Variants in ACBD3 observed in about 807,000 individuals in gnomAD.
ACBD3 encodes Golgi resident protein GCP60.
ACBD3 carries 30 observed loss-of-function variants against 66.9 expected under a neutral mutation model. The observed-to-expected ratio is 0.45, with a 90% CI of 0.34 to 0.61. ACBD3 has a LOEUF of 0.61. Among genes scored for constraint, ACBD3 ranks in the 20% least tolerant of loss-of-function variants. The pLI, the probability that ACBD3 is intolerant of heterozygous loss-of-function variation, is 0.02. For missense variants in ACBD3, 544 were observed against 664.5 expected (o/e 0.82, Z 1.99); for synonymous variants, 278 against 259.8 (o/e 1.07, Z -0.68).
At chr1:226,155,509 G>A (rs1659656030) in intron 5 of ACBD3, among the ~76,000 whole-genome samples, 1 of 151,090 alleles carries the variant, frequency 6.6e-6, no homozygotes, top group Non-Finnish European at 1.5e-5. Context: ...GAAATTGATG[G>A]AAGAAAAAAA....
intron 6 of ACBD3, among the ~76,000 whole-genome samples, chr1:226,153,671 G>C (rs1196172774): frequency 6.6e-6 from 1 of 152,202 alleles, no homozygotes; most frequent in African/African-American, 2.4e-5. Context: ...ACTAATTGCT[G>C]AATGAACAAA....
Position 226,146,522 on chromosome 1 carries a change from T to G in ACBD3, c.*88A>C. 8.8e-7 allele frequency: 1 copy of G among 1,138,498 alleles called. No individual in the cohort carries two copies. The highest frequency in any genetic ancestry group is 1.3e-6 in the Non-Finnish European group (1 of 784,752). The allele number at this position is 1,138,498 out of a possible 1,614,324, so 70.5% of individuals were successfully genotyped here. A position where few individuals can be genotyped will look rare whatever the true frequency, so the allele number is the denominator to read the frequency against. ...CAATATCAATAAGGTAAACTGTGACTCTAATGCTCCACAAAAGTAAAAAGA... is the reference window on the plus strand; with the variant it reads ...CAATATCAATAAGGTAAACTGTGACGCTAATGCTCCACAAAAGTAAAAAGA... On this transcript the variant is annotated 3_prime_UTR_variant, in exon 8 of 8. Coordinates refer to ENST00000366812, the MANE Select transcript of ACBD3 (RefSeq NM_022735.4).
Position 226,186,525 on chromosome 1 carries a change from G to C in ACBD3, c.151C>G (p.Pro51Ala). ...TCGGGCTGCTCCCCTGAGGCGCCCGGGCCGCGACCGGATCCAGGTGGCGAG... is the reference window on the plus strand; with the variant it reads ...TCGGGCTGCTCCCCTGAGGCGCCCGCGCCGCGACCGGATCCAGGTGGCGAG... ...PPSPPGSGRG[P>A]GASGEQPEPG... The change falls in exon 1 of 8, where the codon CCG (proline) becomes GCG (alanine). Residue 51 changes from proline (P) to alanine (A), a missense_variant. This residue lies in a region of ACBD3 where 137 missense variants were observed against 145.9 expected (regional missense o/e 0.94). Transcript: ENST00000366812. 7.2e-7 allele frequency: 1 copy of C among 1,390,536 alleles called. No homozygotes were observed. Among genetic ancestry groups the C allele is most frequent in the East Asian group, 3.1e-5 (1 of 32,700 alleles). The allele number at this position is 1,390,536 out of a possible 1,614,324, so 86.1% of individuals were successfully genotyped here. A position where few individuals can be genotyped will look rare whatever the true frequency, so the allele number is the denominator to read the frequency against.
intron 7 of ACBD3, among the ~76,000 whole-genome samples, chr1:226,151,318 A>G (rs187275921): frequency 6.6e-6 from 1 of 152,354 alleles, no homozygotes; most frequent in East Asian, 1.9e-4. Flanking sequence ...CATGCATTCC[A>G]TATCACTTTC....
chr1:226,186,062 T>A (rs1031981929), intron 1 of ACBD3, among the ~76,000 whole-genome samples: 1 of 152,176 alleles, frequency 6.6e-6, no homozygotes, highest in African/African-American at 2.4e-5. Context: ...AATCCCAGAA[T>A]GGGATCCTTT....
chr1:226,150,055 A>ATTT (rs78400240), intron 7 of ACBD3, among the ~76,000 whole-genome samples: 1 of 133,554 alleles, frequency 7.5e-6, no homozygotes. Flanking sequence ...ATTTTTTTTA[A>ATTT]TTTTTTTTTT....
intron 3 of ACBD3, among the ~76,000 whole-genome samples, chr1:226,162,504 C>A (rs1036068035): frequency 1.6e-4 from 24 of 152,256 alleles, no homozygotes; most frequent in Admixed American, 4.6e-4. Context: ...CGGTTAACCT[C>A]TCAGGGCAGC....
intron 1 of ACBD3, among the ~76,000 whole-genome samples, chr1:226,185,006 C>T (rs2102793416): frequency 6.6e-6 from 1 of 150,546 alleles, no homozygotes; most frequent in South Asian, 2.1e-4. Context: ...CTCTCTGCTA[C>T]AATATACTTT....
At chr1:226,175,091 C>CAAAA (rs35201518) in intron 1 of ACBD3, among the ~76,000 whole-genome samples, 404 of 74,152 alleles carry the variant, frequency 5.4e-3, no homozygotes, top group Non-Finnish European at 7.0e-3. Flanking sequence ...GACTCCATCT[C>CAAAA]AAAAAAAAAA....
intron 7 of ACBD3, among the ~76,000 whole-genome samples, chr1:226,151,544 T>G (rs1440900494): frequency 6.6e-6 from 1 of 152,164 alleles, no homozygotes; most frequent in East Asian, 1.9e-4. Context: ...TCTAGCAAAA[T>G]AGGGATTTCC....
At position 226,159,390 on chromosome 1, in the gene ACBD3, G is replaced by A. The variant is rs765761569; in HGVS notation, c.729-32C>T. 3 of 1,596,638 alleles carry A rather than the reference G, an allele frequency of 1.9e-6. No individual in the cohort carries two copies. The African/African-American group carries it at 4.0e-5, about 21-fold the overall frequency. On this transcript the variant is annotated intron_variant, in intron 4 of 7. Transcript: ENST00000366812. ...ACATTAAAAATATATATACTAGTCT[G>A]GCTACAGGAGATTGTTCATGACAAA...
At chr1:226,172,143 A>G in intron 1 of ACBD3, among the ~76,000 whole-genome samples, 2 of 59,564 alleles carry the variant, frequency 3.4e-5, no homozygotes, top group Admixed American at 2.3e-4. Flanking sequence ...AAACAAGAGC[A>G]AAACTCCATC....
At position 226,186,356 on chromosome 1, in the gene ACBD3, C is replaced by A. The variant is rs1394446283; in HGVS notation, c.286+34G>T. 2.7e-6 allele frequency: 4 copies of A among 1,482,916 alleles called. No homozygotes were observed. In the South Asian group the frequency reaches 3.9e-5, roughly 14 times the overall value. The allele number at this position is 1,482,916 out of a possible 1,614,324, so 91.9% of individuals were successfully genotyped here. ...CCCACGCCGGGCTCCCGGGGCCGGG[C>A]AGAAGCGGCGGGGGTGGGGCTGGCC... On this transcript the variant is annotated intron_variant, in intron 1 of 7. Coordinates refer to ENST00000366812, the MANE Select transcript of ACBD3 (RefSeq NM_022735.4).
At chr1:226,163,227 A>G (rs1238158085) in intron 3 of ACBD3, among the ~76,000 whole-genome samples, 2 of 152,218 alleles carry the variant, frequency 1.3e-5, no homozygotes, top group Non-Finnish European at 1.5e-5. Context: ...AAATAATTCT[A>G]TGTGGACTTT....
intron 1 of ACBD3, among the ~76,000 whole-genome samples, chr1:226,174,670 G>A (rs912884448): frequency 2.2e-4 from 34 of 152,254 alleles, no homozygotes; most frequent in African/African-American, 7.2e-4. Context: ...GGAGGCTGAG[G>A]CAGGAGAATC....
intron 4 of ACBD3, among the ~76,000 whole-genome samples, chr1:226,161,057 A>G (rs1001384682): frequency 6.6e-6 from 1 of 152,234 alleles, no homozygotes; most frequent in South Asian, 2.1e-4. Context: ...AAGCAGAGAC[A>G]AGAAACAGAG....
chr1:226,177,220 G>A (rs920329471), intron 1 of ACBD3, among the ~76,000 whole-genome samples: 11 of 150,402 alleles, frequency 7.3e-5, no homozygotes, highest in African/African-American at 1.7e-4. Flanking sequence ...GAACCGGGAC[G>A]GGTTCAAGTG....
Position 226,145,865 on chromosome 1 carries a change from G to A in ACBD3, c.*745C>T, listed in dbSNP as rs1038121244. 3.9e-5 allele frequency: 6 copies of A among 152,214 alleles called. No homozygotes were observed. Among genetic ancestry groups the A allele is most frequent in the East Asian group, 1.9e-4 (1 of 5,194 alleles). The allele number at this position is 152,214 out of a possible 1,614,324, so 9.4% of individuals were successfully genotyped here. A position where few individuals can be genotyped will look rare whatever the true frequency, so the allele number is the denominator to read the frequency against. On this transcript the variant is annotated 3_prime_UTR_variant, in exon 8 of 8. Coordinates refer to ENST00000366812, the MANE Select transcript of ACBD3 (RefSeq NM_022735.4). Reference sequence around the variant, plus strand: ...CAAAACAAAACAAAACAAAAAACCTGTATTTTGCTACTAGTAGTATGAATA... The same window carrying A: ...CAAAACAAAACAAAACAAAAAACCTATATTTTGCTACTAGTAGTATGAATA...
intron 7 of ACBD3, among the ~76,000 whole-genome samples, chr1:226,151,214 C>A (rs1051390623): frequency 6.6e-6 from 1 of 152,144 alleles, no homozygotes; most frequent in African/African-American, 2.4e-5. Flanking sequence ...ACATTGCCAA[C>A]CCTCTTCAAG....
Sources: gnomAD v4.1 joint callset for allele counts (sites outside exome capture counted in the v4.1 genomes callset) on GRCh38, gnomAD v4.1.1 for gene constraint, gnomAD v4.1.1 regional missense constraint, MANE v1.5 for transcripts, NCBI Gene and HGNC (gene_info 2026-07-23, HGNC 2026-07-21) for gene names.